TBC1D22A: variants seen among roughly 807,000 people sequenced by gnomAD.
The protein encoded by TBC1D22A is TBC1 domain family member 22A.
A neutral mutation model predicts 60.2 loss-of-function variants in TBC1D22A; 38 were observed. The observed-to-expected ratio is 0.63, with a 90% CI of 0.49 to 0.83. TBC1D22A has a LOEUF of 0.83. Among genes scored for constraint, TBC1D22A ranks in the 40% least tolerant of loss-of-function variants. The pLI is 0.00. For missense variants in TBC1D22A, 628 were observed against 701.0 expected (o/e 0.90, Z 1.18); for synonymous variants, 302 against 281.7 (o/e 1.07, Z -0.72).
intron 7 of TBC1D22A, among the ~76,000 whole-genome samples, chr22:46,903,158 C>T (rs1368094330): frequency 1.3e-5 from 2 of 152,216 alleles, no homozygotes; most frequent in African/African-American, 4.8e-5. Context: ...AACCCAGCCT[C>T]ACGCCCTGCA....
At chr22:47,022,880 C>T (rs754603859) in intron 10 of TBC1D22A, among the ~76,000 whole-genome samples, 3 of 152,148 alleles carry the variant, frequency 2.0e-5, no homozygotes, top group Non-Finnish European at 4.4e-5. Context: ...AATCTGTTCC[C>T]AAATGACTTA....
chr22:46,890,147 C>T (rs1232684555), intron 5 of TBC1D22A, among the ~76,000 whole-genome samples: 1 of 151,864 alleles, frequency 6.6e-6, no homozygotes, highest in Non-Finnish European at 1.5e-5. Flanking sequence ...AGATTGAGAC[C>T]ATCCTGGCCA....
chr22:47,001,982 G>A (rs1245593924), intron 10 of TBC1D22A, among the ~76,000 whole-genome samples: 1 of 151,924 alleles, frequency 6.6e-6, no homozygotes, highest in Non-Finnish European at 1.5e-5. Flanking sequence ...GCTCAAAGAG[G>A]GTATGCTGTT....
At chr22:47,120,444 G>A (rs1232452047) in intron 12 of TBC1D22A, among the ~76,000 whole-genome samples, 2 of 152,156 alleles carry the variant, frequency 1.3e-5, no homozygotes, top group Admixed American at 6.5e-5. Flanking sequence ...ACACAACATG[G>A]ATATTAACAA....
At chr22:46,793,971 G>T (rs1040591810) in intron 3 of TBC1D22A, 130 bp downstream of exon 3, 2 of 886,956 alleles carry the variant, frequency 2.3e-6, no homozygotes, top group Non-Finnish European at 3.4e-6. Context: ...GCCCACGAGA[G>T]CCCTTATGGT....
In TBC1D22A at chr22:46,793,727, G is replaced by T; in HGVS notation, c.346G>T (p.Glu116Ter). 25 of 1,610,022 alleles carry T rather than the reference G, an allele frequency of 1.6e-5. No homozygotes were observed. The highest frequency in any genetic ancestry group is 2.1e-5 in the Non-Finnish European group (25 of 1,178,934). Residue 116 changes from glutamate to a stop codon, truncating the protein, a stop_gained, in exon 3 of 13, where the codon GAG (glutamate) becomes TAG (stop). Coordinates refer to ENST00000337137, the MANE Select transcript of TBC1D22A (RefSeq NM_014346.5). LOFTEE classifies it high-confidence loss of function. The stretch of plus-strand genomic sequence containing the variant: ...GCGGCAGGGGCGGCCCACGCTGCAG[G>T]AGGGGCCAGGGCTTCAGCAGAAGCC... Reference protein sequence around the residue: ...SQRQGRPTLQEGPGLQQKPRP... With the variant: ...SQRQGRPTLQ
At chr22:47,067,509 C>T (rs1028707758) in intron 11 of TBC1D22A, among the ~76,000 whole-genome samples, 1 of 152,208 alleles carries the variant, frequency 6.6e-6, no homozygotes, top group African/African-American at 2.4e-5. Flanking sequence ...CAACGATGCT[C>T]CTTGTACATC....
At chr22:46,992,726 A>G (rs1042217399) in intron 9 of TBC1D22A, among the ~76,000 whole-genome samples, 1 of 152,210 alleles carries the variant, frequency 6.6e-6, no homozygotes, top group East Asian at 1.9e-4. Flanking sequence ...AATGGCTTTA[A>G]TGTATTAATG....
At chr22:46,822,350 G>A (rs753624366) in intron 4 of TBC1D22A, among the ~76,000 whole-genome samples, 39 of 152,162 alleles carry the variant, frequency 2.6e-4, no homozygotes, top group South Asian at 1.5e-3. Context: ...GCATTTTTTC[G>A]TTGATTCTTT....
chr22:46,934,619 G>C (rs2071540808), intron 8 of TBC1D22A, among the ~76,000 whole-genome samples: 1 of 152,196 alleles, frequency 6.6e-6, no homozygotes, highest in South Asian at 2.1e-4. Flanking sequence ...TGCCATTGCA[G>C]TCCCTTGGCA....
intron 11 of TBC1D22A, among the ~76,000 whole-genome samples, chr22:47,042,420 GGA>G (rs2062876738): frequency 9.3e-6 from 1 of 107,454 alleles, no homozygotes; most frequent in Non-Finnish European, 1.8e-5. Context: ...GAGAGAGAGA[GGA>G]AGAGAGAGGA....
intron 4 of TBC1D22A, among the ~76,000 whole-genome samples, chr22:46,819,972 A>G (rs984255569): frequency 5.3e-5 from 8 of 152,104 alleles, no homozygotes; most frequent in African/African-American, 1.7e-4. Flanking sequence ...TAGTTAGGGT[A>G]TATGCATCTA....
intron 11 of TBC1D22A, among the ~76,000 whole-genome samples, chr22:47,089,572 G>C (rs2064836892): frequency 6.6e-6 from 1 of 152,248 alleles, no homozygotes; most frequent in Admixed American, 6.5e-5. Flanking sequence ...GTGAGCTCGT[G>C]TGGGAGGAGT....
At chr22:46,840,049 T>G (rs1284374006) in intron 4 of TBC1D22A, among the ~76,000 whole-genome samples, 1 of 152,220 alleles carries the variant, frequency 6.6e-6, no homozygotes, top group African/African-American at 2.4e-5. Context: ...AGTGCCTTTT[T>G]AGATATGACA....
intron 11 of TBC1D22A, among the ~76,000 whole-genome samples, chr22:47,100,507 C>A (rs1396351202): frequency 6.6e-6 from 1 of 152,056 alleles, no homozygotes; most frequent in Non-Finnish European, 1.5e-5. Flanking sequence ...TCTTGAACTC[C>A]CACATGTTGT....
intron 4 of TBC1D22A, among the ~76,000 whole-genome samples, chr22:46,835,050 G>A (rs2086459009): frequency 6.6e-6 from 1 of 152,204 alleles, no homozygotes; most frequent in African/African-American, 2.4e-5. Context: ...CCCCCAAATA[G>A]GGAACAAGAG....
At chr22:46,796,903 C>T (rs954321258) in intron 3 of TBC1D22A, among the ~76,000 whole-genome samples, 30 of 152,224 alleles carry the variant, frequency 2.0e-4, no homozygotes, top group Non-Finnish European at 3.5e-4. Context: ...CCCAGGAGGG[C>T]CAGGCAGGTG....
chr22:47,053,908 C>A (rs916432969), intron 11 of TBC1D22A, among the ~76,000 whole-genome samples: 1 of 152,178 alleles, frequency 6.6e-6, no homozygotes, highest in Non-Finnish European at 1.5e-5. Flanking sequence ...GAACCAAGGA[C>A]ACGGGAATGC....
intron 10 of TBC1D22A, among the ~76,000 whole-genome samples, chr22:47,003,821 TGCCTGTACGC>T (rs2061485942): frequency 1.3e-5 from 1 of 76,086 alleles, no homozygotes; most frequent in Non-Finnish European, 2.9e-5. Flanking sequence ...TACGCACACA[TGCCTGTACGC>T]ACACACCCTA....
Sources: allele counts gnomAD v4.1 joint callset (sites outside exome capture counted in the v4.1 genomes callset), GRCh38; gene constraint gnomAD v4.1.1; transcripts MANE v1.5; gene names NCBI Gene and HGNC (gene_info 2026-07-23, HGNC 2026-07-21).